CASQ2: variants seen among roughly 807,000 people sequenced by gnomAD.
CASQ2 encodes the protein calsequestrin 2.
A neutral mutation model predicts 46.5 loss-of-function variants in CASQ2; 49 were observed. The ratio of observed to expected loss-of-function variants is 1.05; its 90% CI spans 0.84 to 1.34. CASQ2 has a LOEUF of 1.34. Ranked by LOEUF, CASQ2 falls within the 40% of genes most tolerant of loss-of-function variation. CASQ2 has a pLI of 0.00. For synonymous variants in CASQ2, 174 were observed against 168.5 expected (o/e 1.03, Z -0.25); for missense variants, 486 against 481.3 (o/e 1.01, Z -0.09).
At chr1:115,743,853 C>T (rs753540450) in intron 2 of CASQ2, among the ~76,000 whole-genome samples, 2 of 151,782 alleles carry the variant, frequency 1.3e-5, no homozygotes, top group African/African-American at 4.8e-5. Flanking sequence ...ATCAGAGGAG[C>T]GGGCCGGGAG....
intron 4 of CASQ2, among the ~76,000 whole-genome samples, chr1:115,733,531 C>A (rs572645506): frequency 6.6e-6 from 1 of 152,138 alleles, no homozygotes; most frequent in Non-Finnish European, 1.5e-5. Flanking sequence ...TATTCTGATG[C>A]CTCAAGAGGA....
rs1320906825 is a variant in CASQ2 at position 115,701,104 on chromosome 1, G to A, written c.*137C>T. On this transcript the variant is annotated 3_prime_UTR_variant, in exon 11 of 11. Transcript: ENST00000261448. ...TGAATGATGCTGCTCCTGACGCAAA[G>A]GGAGTGGGAAAAGAGATGATGGAAA... 8 of 1,329,850 alleles carry A rather than the reference G, an allele frequency of 6.0e-6. No individual in the cohort carries two copies. In the South Asian group the frequency reaches 8.2e-5, roughly 14 times the overall value. 82.4% of individuals were successfully genotyped at this position (1,329,850 alleles called of 1,614,324 possible).
At chr1:115,761,448 G>C (rs1333304301) in intron 1 of CASQ2, among the ~76,000 whole-genome samples, 1 of 11,428 alleles carries the variant, frequency 8.8e-5, no homozygotes, top group Non-Finnish European at 1.8e-4. Context: ...GAAAGAAGAA[G>C]AAGAAGAAGA....
At chr1:115,729,298 C>T (rs1386469145) in intron 5 of CASQ2, among the ~76,000 whole-genome samples, 1 of 152,090 alleles carries the variant, frequency 6.6e-6, no homozygotes, top group Non-Finnish European at 1.5e-5. Context: ...GATCCACCTC[C>T]CCCCTCGGCC....
intron 1 of CASQ2, among the ~76,000 whole-genome samples, chr1:115,753,410 A>G (rs761284410): frequency 6.6e-6 from 1 of 152,176 alleles, no homozygotes; most frequent in Non-Finnish European, 1.5e-5. Flanking sequence ...CAAATGTTGC[A>G]GGGAGTCAAG....
At chr1:115,723,539 A>G (rs1432729903) in intron 7 of CASQ2, among the ~76,000 whole-genome samples, 2 of 152,104 alleles carry the variant, frequency 1.3e-5, no homozygotes, top group Non-Finnish European at 2.9e-5. Flanking sequence ...ATACATTAAT[A>G]AGACTCTTTT....
At chr1:115,740,100 A>G (rs986355750) in intron 3 of CASQ2, among the ~76,000 whole-genome samples, 1 of 152,228 alleles carries the variant, frequency 6.6e-6, no homozygotes, top group African/African-American at 2.4e-5. Flanking sequence ...AATCATCGGC[A>G]TGGATGCTCA....
intron 7 of CASQ2, among the ~76,000 whole-genome samples, chr1:115,719,219 A>G (rs1647287183): frequency 6.6e-6 from 1 of 152,218 alleles, no homozygotes; most frequent in South Asian, 2.1e-4. Context: ...TCTCTGGAGA[A>G]TTTAATTTTA....
At chr1:115,728,729 T>G (rs2101080993) in intron 5 of CASQ2, among the ~76,000 whole-genome samples, 1 of 152,256 alleles carries the variant, frequency 6.6e-6, no homozygotes, top group South Asian at 2.1e-4. Flanking sequence ...GTAAGAATGA[T>G]TATCATAGTT....
At chr1:115,750,911 G>GCACCTACAGGATGTAGGTATGTATCA (rs1300943011) in intron 1 of CASQ2, among the ~76,000 whole-genome samples, 4 of 152,182 alleles carry the variant, frequency 2.6e-5, no homozygotes, top group Non-Finnish European at 4.4e-5. Flanking sequence ...GGTATGTATC[G>GCACCTACAGGATGTAGGTATGTATCA]CACCTAATGA....
intron 1 of CASQ2, among the ~76,000 whole-genome samples, chr1:115,752,453 G>A (rs750345603): frequency 7.9e-5 from 12 of 152,198 alleles, no homozygotes; most frequent in African/African-American, 1.2e-4. Flanking sequence ...AGTTTCTTCA[G>A]TAAATGAATG....
At chr1:115,758,019 C>A (rs2101117219) in intron 1 of CASQ2, among the ~76,000 whole-genome samples, 1 of 152,352 alleles carries the variant, frequency 6.6e-6, no homozygotes, top group Non-Finnish European at 1.5e-5. Flanking sequence ...TCTAGTTGCA[C>A]AATTTAATGC....
At chr1:115,725,058 T>C (rs886130608) in intron 7 of CASQ2, among the ~76,000 whole-genome samples, 12 of 151,924 alleles carry the variant, frequency 7.9e-5, no homozygotes. Context: ...TTGTCCATGT[T>C]TTTGTTTTGT....
At chr1:115,761,529 G>GAAGAAGAAGAAGAAGAAGAAGA (rs1557806976) in intron 1 of CASQ2, among the ~76,000 whole-genome samples, 1 of 67,794 alleles carries the variant, frequency 1.5e-5, no homozygotes, top group African/African-American at 5.0e-5. Flanking sequence ...AGAAGAAGAA[G>GAAGAAGAAGAAGAAGAAGAAGA]AGTTCATAAA....
chr1:115,723,867 T>C (rs1647479140), intron 7 of CASQ2, among the ~76,000 whole-genome samples: 1 of 152,090 alleles, frequency 6.6e-6, no homozygotes, highest in Admixed American at 6.5e-5. Flanking sequence ...CTTTGAAAGG[T>C]TTAAATGTTA....
At chr1:115,751,513 T>A (rs2101109524) in intron 1 of CASQ2, among the ~76,000 whole-genome samples, 1 of 145,996 alleles carries the variant, frequency 6.8e-6, no homozygotes, top group East Asian at 2.1e-4. Flanking sequence ...CTAAAAAAAA[T>A]ACAAAAGAAT....
chr1:115,732,903 C>G lies in CASQ2; in HGVS notation c.604G>C (p.Gly202Arg). The change falls in exon 5 of 11, where the codon GGG becomes CGG. Residue 202 changes from glycine (G) to arginine (R), a missense_variant and splice_region_variant. Coordinates refer to ENST00000261448, the MANE Select transcript of CASQ2 (RefSeq NM_001232.4). Reference protein sequence around the residue: ...YIKFFATFDKGVAKKLSLKMN... With the variant: ...YIKFFATFDKRVAKKLSLKMN... Reference sequence around the variant, plus strand: ...ATTGGGGTTTCATAGGTACTTACCCCTTTGTCAAAGGTGGCAAAGAATTTG... The same window carrying G: ...ATTGGGGTTTCATAGGTACTTACCCGTTTGTCAAAGGTGGCAAAGAATTTG... 6.2e-7 allele frequency: 1 copy of G among 1,612,614 alleles called. No individual in the cohort carries two copies. Among genetic ancestry groups the G allele is most frequent in the Non-Finnish European group, 8.5e-7 (1 of 1,178,680 alleles).
Position 115,700,488 on chromosome 1 carries a change from C to G in CASQ2, c.*753G>C, listed in dbSNP as rs1654172708. 1 of 152,968 alleles carries G rather than the reference C, an allele frequency of 6.5e-6. No individual in the cohort carries two copies. Among genetic ancestry groups the G allele is most frequent in the African/African-American group, 2.4e-5 (1 of 41,412 alleles). The allele number at this position is 152,968 out of a possible 1,614,324, so 9.5% of individuals were successfully genotyped here. A position where few individuals can be genotyped will look rare whatever the true frequency, so the allele number is the denominator to read the frequency against. Reference sequence around the variant, plus strand: ...ATCTTTCTAGTTTTCCCCCACCCTCCACTCCTGCTGATGAATATGTGAGAC... The same window carrying G: ...ATCTTTCTAGTTTTCCCCCACCCTCGACTCCTGCTGATGAATATGTGAGAC... On this transcript the variant is annotated 3_prime_UTR_variant, in exon 11 of 11. Coordinates refer to ENST00000261448, the MANE Select transcript of CASQ2 (RefSeq NM_001232.4).
intron 7 of CASQ2, among the ~76,000 whole-genome samples, chr1:115,719,810 A>G (rs1647304226): frequency 6.6e-6 from 1 of 152,160 alleles, no homozygotes; most frequent in Non-Finnish European, 1.5e-5. Context: ...TCTGAATCCC[A>G]CAGCCTTTGC....
Sources: gnomAD v4.1 joint callset for allele counts (sites outside exome capture counted in the v4.1 genomes callset) on GRCh38, gnomAD v4.1.1 for gene constraint, MANE v1.5 for transcripts, NCBI Gene and HGNC (gene_info 2026-07-23, HGNC 2026-07-21) for gene names.